SNX29: variants seen among roughly 807,000 people sequenced by gnomAD.
SNX29 encodes the protein sorting nexin 29, also known as sorting nexin-29.
Under a neutral mutation model 102.1 loss-of-function variants are expected in SNX29, and 78 were observed. That is an observed-to-expected ratio of 0.76 (90% CI 0.64 to 0.92). SNX29 has a LOEUF of 0.92. Ranked by LOEUF, SNX29 falls within the 40% of genes least tolerant of loss-of-function variation. The pLI is 0.00. For synonymous variants in SNX29, 580 were observed against 414.5 expected, an observed-to-expected ratio of 1.40 and a Z score of -4.85; for missense variants, 1,280 against 1,061.7, an observed-to-expected ratio of 1.21 and a Z score of -2.86.
intron 18 of SNX29, among the ~76,000 whole-genome samples, chr16:12,476,071 A>G (rs1185577239): frequency 1.3e-5 from 2 of 152,052 alleles, no homozygotes; most frequent in Non-Finnish European, 2.9e-5. Flanking sequence ...CTATAATCCC[A>G]GTACTTTGTG....
intron 3 of SNX29, among the ~76,000 whole-genome samples, chr16:12,023,936 A>G (rs1332381911): frequency 1.3e-5 from 2 of 152,124 alleles, no homozygotes; most frequent in Admixed American, 1.3e-4. Context: ...GAGTTCCCTG[A>G]CTGGAGAGAC....
intron 4 of SNX29, 81 bp from the exon 5 acceptor site, chr16:12,042,816 C>G (rs572771259): frequency 7.1e-7 from 1 of 1,414,744 alleles, no homozygotes; most frequent in Non-Finnish European, 9.6e-7. Flanking sequence ...TCTCCAACTT[C>G]GCCTAGAGGC....
At chr16:12,074,776 A>C (rs2051468944) in intron 10 of SNX29, among the ~76,000 whole-genome samples, 1 of 152,088 alleles carries the variant, frequency 6.6e-6, no homozygotes, top group African/African-American at 2.4e-5. Context: ...ACTTGGTTCC[A>C]TTCTCCCCGT....
At chr16:12,213,087 C>T (rs1477293021) in intron 14 of SNX29, among the ~76,000 whole-genome samples, 1 of 152,144 alleles carries the variant, frequency 6.6e-6, no homozygotes, top group Non-Finnish European at 1.5e-5. Context: ...GCACTCCAGC[C>T]TGGGTGACAG....
intron 18 of SNX29, among the ~76,000 whole-genome samples, chr16:12,436,016 C>T (rs1056073240): frequency 1.3e-5 from 2 of 152,214 alleles, no homozygotes; most frequent in Non-Finnish European, 2.9e-5. Flanking sequence ...TGCCTTGCTC[C>T]TGGGGCAGCT....
At chr16:12,021,055 T>G (rs1469844774) in intron 3 of SNX29, among the ~76,000 whole-genome samples, 1 of 152,230 alleles carries the variant, frequency 6.6e-6, no homozygotes, top group East Asian at 1.9e-4. Context: ...ACATTGGAAT[T>G]TTACAAATGA....
rs192438926 is a variant in SNX29 at position 12,355,974 on chromosome 16, G to A, written c.1783-189G>A. Among the ~76,000 whole-genome samples, 17 of 151,358 alleles carry A rather than the reference G, an allele frequency of 1.1e-4. 1 individual carries two copies. Among genetic ancestry groups the A allele is most frequent in the Admixed American group, 1.1e-3 (17 of 15,156 alleles). ...GTTGACTCTGAAGTGTCGGTATGAA[G>A]CAGGTCAAGACACATTGAGCTTATG... On this transcript the variant is annotated intron_variant, in intron 15 of 20. Transcript: ENST00000566228.
At position 12,097,664 on chromosome 16, in the gene SNX29, T is replaced by C. The variant is rs548958629; in HGVS notation, c.1402+18749T>C. ...ACAGACTTTCAGGAAGGGCTGTCCCTGAACTCTAAGCTAGGATCAACTTTT... is the reference window on the plus strand; with the variant it reads ...ACAGACTTTCAGGAAGGGCTGTCCCCGAACTCTAAGCTAGGATCAACTTTT... On this transcript the variant is annotated intron_variant, in intron 11 of 20. Transcript: ENST00000566228. Among the ~76,000 whole-genome samples, 12 of 152,350 alleles carry C rather than the reference T, an allele frequency of 7.9e-5. No individual in the cohort carries two copies. The East Asian group carries it at 2.1e-3, about 27-fold the overall frequency.
At chr16:12,227,377 T>C (rs895215203) in intron 14 of SNX29, among the ~76,000 whole-genome samples, 4 of 152,192 alleles carry the variant, frequency 2.6e-5, no homozygotes, top group African/African-American at 9.7e-5. Flanking sequence ...CCGCGGAAGA[T>C]GGATGATACA....
intron 13 of SNX29, among the ~76,000 whole-genome samples, chr16:12,184,996 C>T (rs1467790106): frequency 6.6e-6 from 1 of 152,200 alleles, no homozygotes. Flanking sequence ...AACAGCAGTT[C>T]TGCTGTGGAT....
At chr16:12,223,003 A>C (rs1331376814) in intron 14 of SNX29, among the ~76,000 whole-genome samples, 1 of 152,242 alleles carries the variant, frequency 6.6e-6, no homozygotes, top group East Asian at 1.9e-4. Flanking sequence ...GGAGTGGGCA[A>C]CTGAGTTTAG....
At chr16:12,205,901 G>A (rs916665061) in intron 14 of SNX29, among the ~76,000 whole-genome samples, 11 of 152,206 alleles carry the variant, frequency 7.2e-5, no homozygotes, top group African/African-American at 1.9e-4. Flanking sequence ...CTCTATAAAT[G>A]TTTATAACAT....
In SNX29 at chr16:12,290,026, A is replaced by T. The variant is rs1355696455; in HGVS notation, c.1782+11990A>T. ...GATACAGCGGGAGTGGAGAACGCTG[A>T]GACAGGGCGGAGGGAGGGACTTGTT... On this transcript the variant is annotated intron_variant, in intron 15 of 20. Coordinates refer to ENST00000566228, the MANE Select transcript of SNX29 (RefSeq NM_032167.5). Among the ~76,000 whole-genome samples the T allele has an allele frequency of 3.9e-5, 6 of 152,144 alleles. No individual in the cohort carries two copies. In the East Asian group the frequency reaches 9.6e-4, roughly 24 times the overall value.
At chr16:12,507,595 C>G (rs879657663) in intron 19 of SNX29, among the ~76,000 whole-genome samples, 3 of 152,124 alleles carry the variant, frequency 2.0e-5, no homozygotes, top group Non-Finnish European at 2.9e-5. Flanking sequence ...AGTTAACAAA[C>G]TTTTTCTGCA....
chr16:12,200,182 G>A (rs761931644), intron 14 of SNX29, among the ~76,000 whole-genome samples: 18 of 152,108 alleles, frequency 1.2e-4, no homozygotes, highest in East Asian at 3.9e-4. Context: ...CCATGTAGAC[G>A]TCTTAGCATA....
chr16:12,376,781 T>A (rs1374381895), intron 16 of SNX29, among the ~76,000 whole-genome samples: 3 of 151,232 alleles, frequency 2.0e-5, no homozygotes, highest in African/African-American at 7.3e-5. Flanking sequence ...GGCAGGAGTT[T>A]CTGCAGACTG....
chr16:12,149,024 C>G (rs1023208603), intron 13 of SNX29, among the ~76,000 whole-genome samples: 2 of 152,088 alleles, frequency 1.3e-5, no homozygotes, highest in Non-Finnish European at 2.9e-5. Context: ...ATTAGTTCAC[C>G]GATAGATCTA....
At chr16:12,178,351 A>C (rs988881838) in intron 13 of SNX29, among the ~76,000 whole-genome samples, 1 of 152,148 alleles carries the variant, frequency 6.6e-6, no homozygotes, top group Non-Finnish European at 1.5e-5. Context: ...GTTAGCAGCC[A>C]GAAGAGGTGG....
intron 18 of SNX29, among the ~76,000 whole-genome samples, chr16:12,427,558 C>G (rs1001773245): frequency 3.3e-5 from 5 of 152,066 alleles, no homozygotes; most frequent in African/African-American, 1.2e-4. Flanking sequence ...ATAGGAATTG[C>G]TCTTGACTTT....
Sources: gnomAD v4.1 joint callset for allele counts (sites outside exome capture counted in the v4.1 genomes callset) on GRCh38, gnomAD v4.1.1 for gene constraint, MANE v1.5 for transcripts, NCBI Gene and HGNC (gene_info 2026-07-23, HGNC 2026-07-21) for gene names.